The following TEC variants were observed in gnomAD, a reference collection of about 807,000 sequenced individuals.
TEC encodes the protein tec protein tyrosine kinase, also known as tyrosine-protein kinase Tec.
A neutral mutation model predicts 93.0 loss-of-function variants in TEC; 72 were observed. The observed-to-expected ratio is 0.77, with a 90% confidence interval of 0.64 to 0.94. The LOEUF is 0.94. Ranked by LOEUF, TEC falls within the 40% of genes least tolerant of loss-of-function variation. The pLI is 0.00. For synonymous variants in TEC, 249 were observed against 247.7 expected (o/e 1.01, Z -0.05); for missense variants, 630 against 757.9 (o/e 0.83, Z 1.98).
At chr4:48,171,557 C>A in intron 3 of TEC, 108 bp from the exon 4 acceptor site, 1 of 750,480 alleles carries the variant, frequency 1.3e-6, no homozygotes, top group Non-Finnish European at 2.1e-6. Flanking sequence ...TCTCAAATAA[C>A]TGAAAGTCAA....
At chr4:48,138,868 T>C (rs147148715) in intron 16 of TEC, 36 bp downstream of exon 16, 2 of 1,613,908 alleles carry the variant, frequency 1.2e-6, no homozygotes, top group African/African-American at 2.7e-5. Flanking sequence ...CACTTTCTCC[T>C]CAGGGCGGAC....
intron 1 of TEC, among the ~76,000 whole-genome samples, chr4:48,239,931 G>A (rs939000483): frequency 6.6e-6 from 1 of 151,838 alleles, no homozygotes; most frequent in African/African-American, 2.4e-5. Context: ...GATGATATGA[G>A]GATTTGATGA....
chr4:48,211,759 T>C (rs1364739505), intron 2 of TEC, among the ~76,000 whole-genome samples: 1 of 152,158 alleles, frequency 6.6e-6, no homozygotes, highest in African/African-American at 2.4e-5. Context: ...TTTAAAGTTC[T>C]TGAGCCTTAC....
At chr4:48,212,450 G>A (rs17574647) in intron 2 of TEC, among the ~76,000 whole-genome samples, 35,516 of 152,002 alleles carry the variant, frequency 0.23, 5,163 homozygotes, top group Non-Finnish European at 0.32. Flanking sequence ...ATCTTGGTTC[G>A]CCTCCTCAGA....
chr4:48,236,197 G>A (rs1484384287), intron 1 of TEC, among the ~76,000 whole-genome samples: 1 of 152,100 alleles, frequency 6.6e-6, no homozygotes, highest in Non-Finnish European at 1.5e-5. Flanking sequence ...TAGGTTTGAT[G>A]TTCTAAATTT....
At chr4:48,241,889 A>G (rs1723931959) in intron 1 of TEC, among the ~76,000 whole-genome samples, 1 of 152,198 alleles carries the variant, frequency 6.6e-6, no homozygotes, top group South Asian at 2.1e-4. Flanking sequence ...AATTTGAGAC[A>G]TTCATGATTA....
At chr4:48,187,368 A>C (rs934604975) in intron 2 of TEC, among the ~76,000 whole-genome samples, 1 of 150,648 alleles carries the variant, frequency 6.6e-6, no homozygotes, top group African/African-American at 2.5e-5. Flanking sequence ...CCTTCCCTCC[A>C]CTATTGTCCT....
intron 9 of TEC, among the ~76,000 whole-genome samples, chr4:48,154,955 T>C (rs527299526): frequency 6.6e-6 from 1 of 152,274 alleles, no homozygotes; most frequent in Admixed American, 6.5e-5. Context: ...TGACCAACAA[T>C]TGTTTCAGGG....
chr4:48,190,008 T>C (rs545630643), intron 2 of TEC, among the ~76,000 whole-genome samples: 90 of 152,260 alleles, frequency 5.9e-4, no homozygotes, highest in African/African-American at 2.0e-3. Flanking sequence ...ACCATCTGTT[T>C]AGCACTCGGA....
At chr4:48,202,448 C>A (rs1722561404) in intron 2 of TEC, among the ~76,000 whole-genome samples, 1 of 152,034 alleles carries the variant, frequency 6.6e-6, no homozygotes, top group African/African-American at 2.4e-5. Context: ...TGCCTGTAAT[C>A]CTAGCTACTT....
intron 2 of TEC, among the ~76,000 whole-genome samples, chr4:48,225,119 T>G (rs1325907818): frequency 2.6e-5 from 4 of 152,234 alleles, no homozygotes; most frequent in Non-Finnish European, 4.4e-5. Flanking sequence ...AATATTATTT[T>G]TAAAAACCTG....
At chr4:48,145,708 TA>T in intron 12 of TEC, 129 bp from the exon 13 acceptor site, 1 of 1,043,760 alleles carries the variant, frequency 9.6e-7, no homozygotes, top group East Asian at 2.5e-5. Context: ...TAATTCCTGG[TA>T]AAACACAGAA....
chr4:48,172,424 A>T, intron 3 of TEC, among the ~76,000 whole-genome samples: 1 of 147,010 alleles, frequency 6.8e-6, no homozygotes, highest in East Asian at 2.3e-4. Context: ...CATTTAAATC[A>T]AAGGAATGTA....
intron 2 of TEC, among the ~76,000 whole-genome samples, chr4:48,207,311 G>A (rs745748090): frequency 6.6e-6 from 1 of 152,160 alleles, no homozygotes; most frequent in East Asian, 1.9e-4. Context: ...TATCTGGCAG[G>A]CATCAGGTGC....
intron 2 of TEC, among the ~76,000 whole-genome samples, chr4:48,206,111 G>C (rs1360280256): frequency 6.6e-6 from 1 of 152,106 alleles, no homozygotes; most frequent in East Asian, 1.9e-4. Context: ...CTTATACAAA[G>C]TATCCAGAAT....
Position 48,189,636 on chromosome 4 carries a change from G to A in TEC, c.139-13450C>T, listed in dbSNP as rs373775127. Among the ~76,000 whole-genome samples, 202 of 152,286 alleles carry A rather than the reference G, an allele frequency of 1.3e-3. 2 individuals are homozygous for A. In the South Asian group the frequency reaches 0.015, roughly 11 times the overall value. ...GTCTCACTAGGAAATAAGAATTTAC[G>A]TGAAACTCAGTGTTGGCATTTGGGA... On this transcript the variant is annotated intron_variant, in intron 2 of 17. Transcript: ENST00000381501.
chr4:48,188,158 G>T (rs942678012), intron 2 of TEC, among the ~76,000 whole-genome samples: 4 of 152,168 alleles, frequency 2.6e-5, no homozygotes, highest in Non-Finnish European at 5.9e-5. Context: ...CTGAAAGATT[G>T]TGGGGACTGA....
intron 2 of TEC, among the ~76,000 whole-genome samples, chr4:48,209,728 AT>A (rs1481144165): frequency 2.6e-5 from 4 of 152,256 alleles, no homozygotes; most frequent in African/African-American, 9.6e-5. Context: ...ATAGGAATAC[AT>A]TTAACAAGAA....
chr4:48,170,007 A>G (rs1721037263), intron 5 of TEC, among the ~76,000 whole-genome samples: 1 of 152,190 alleles, frequency 6.6e-6, no homozygotes, highest in African/African-American at 2.4e-5. Context: ...CACACTTTCA[A>G]TGGATTCATT....
Sources: gnomAD v4.1 joint callset for allele counts (sites outside exome capture counted in the v4.1 genomes callset) on GRCh38, gnomAD v4.1.1 for gene constraint, MANE v1.5 for transcripts, NCBI Gene and HGNC (gene_info 2026-07-23, HGNC 2026-07-21) for gene names.